TASOR: variants seen among roughly 807,000 people sequenced by gnomAD.
The protein encoded by TASOR is transcription activation suppressor, also known as protein TASOR.
In TASOR, 53 loss-of-function variants were observed where a neutral mutation model predicts 178.6. The ratio of observed to expected loss-of-function variants is 0.30; its 90% CI spans 0.24 to 0.37. TASOR has a LOEUF of 0.37. TASOR is among the 10% of genes least tolerant of loss of function. The probability of loss-of-function intolerance (pLI) is 1.00; values close to 1 mark genes in which losing one functional copy is unlikely to be tolerated. For missense variants in TASOR, 1,815 were observed against 1,971.4 expected, an observed-to-expected ratio of 0.92 and a Z score of 1.50; for synonymous variants, 713 against 696.2, an observed-to-expected ratio of 1.02 and a Z score of -0.38.
At chr3:56,637,520 C>CA (rs2077041420) in intron 17 of TASOR, among the ~76,000 whole-genome samples, 1 of 149,122 alleles carries the variant, frequency 6.7e-6, no homozygotes, top group Non-Finnish European at 1.5e-5. Context: ...GATTCTGTAT[C>CA]AGAGGGGAAA....
intron 1 of TASOR, among the ~76,000 whole-genome samples, chr3:56,682,426 C>A (rs1256260014): frequency 6.6e-6 from 1 of 152,080 alleles, no homozygotes; most frequent in African/African-American, 2.4e-5. Flanking sequence ...GAGCTGCAGC[C>A]TTACGGACAA....
Position 56,646,663 on chromosome 3 carries a change from T to C in TASOR, c.2074A>G (p.Lys692Glu), listed in dbSNP as rs1323784335. ...TCTGAGTCCCCACCCACACTCTTTT[T>C]CCTACACTGAATTAAATTAATCAAT... ...KELINLIQCR[K>E]KSVGGDSDTE... The change falls in exon 14 of 24, where the codon AAA becomes GAA. Residue 692 changes from lysine (K) to glutamate (E), a missense_variant. Coordinates refer to ENST00000683822, the MANE Select transcript of TASOR (RefSeq NM_001365635.2). 1 of 1,613,830 alleles carries C rather than the reference T, an allele frequency of 6.2e-7. No homozygotes were observed. Among genetic ancestry groups the C allele is most frequent in the South Asian group, 1.1e-5 (1 of 91,088 alleles).
At chr3:56,634,963 A>G (rs1018688156) in intron 17 of TASOR, among the ~76,000 whole-genome samples, 1 of 152,202 alleles carries the variant, frequency 6.6e-6, no homozygotes, top group Non-Finnish European at 1.5e-5. Flanking sequence ...ACGTATACAC[A>G]ATTTTACCCG....
intron 9 of TASOR, 141 bp from the exon 10 acceptor site, chr3:56,661,158 G>C (rs956033084): frequency 3.2e-6 from 2 of 622,168 alleles, no homozygotes; most frequent in Non-Finnish European, 2.8e-6. Flanking sequence ...AAGATCTTTT[G>C]TTTCGTTTGT....
chr3:56,638,750 C>A lies in TASOR; in HGVS notation c.2780G>T (p.Ser927Ile), dbSNP rs2077065388. 6.2e-7 allele frequency: 1 copy of A among 1,614,108 alleles called. No individual in the cohort carries two copies. The change falls in exon 17 of 24, where the codon AGC becomes ATC. Residue 927 changes from serine to isoleucine, a missense_variant. Ser to Ile is a moderately radical substitution (Grantham distance 142). This residue lies in a region of TASOR where 655 missense variants were observed against 671.1 expected (regional missense o/e 0.98). Transcript: ENST00000683822. Reference sequence around the variant, plus strand: ...ATGTTTCCCCAGCTGGTCTTCTGGGCTTCTTGCATTCCCTCCTGAGGGAAA... The same window carrying A: ...ATGTTTCCCCAGCTGGTCTTCTGGGATTCTTGCATTCCCTCCTGAGGGAAA... ...LIPITGGNAR[S>I]PEDQLGKHGE...
Position 56,682,868 on chromosome 3 carries a change from T to G in TASOR, c.139A>C (p.Asn47His). 1 of 1,549,588 alleles carries G rather than the reference T, an allele frequency of 6.5e-7. No homozygotes were observed. The highest frequency in any genetic ancestry group is 8.7e-7 in the Non-Finnish European group (1 of 1,146,386). The change falls in exon 1 of 24, where the codon AAC becomes CAC. Residue 47 changes from asparagine (N) to histidine (H), a missense_variant. Asn to His is a moderately conservative substitution (Grantham distance 68, BLOSUM62 1). Transcript: ENST00000683822. Reference protein sequence around the residue: ...SQQNGGGGGLNIAEPSGGAGR... With the variant: ...SQQNGGGGGLHIAEPSGGAGR... ...GCGCCGCCGCTGGGCTCAGCGATGTTGAGGCCGCCGCCGCCGCCATTTTGT... is the reference window on the plus strand; with the variant it reads ...GCGCCGCCGCTGGGCTCAGCGATGTGGAGGCCGCCGCCGCCGCCATTTTGT...
At position 56,633,314 on chromosome 3, in the gene TASOR, T is replaced by C. The variant is rs2076954162; in HGVS notation, c.3477A>G (p.Val1159=). The C allele has an allele frequency of 1.9e-6, 3 of 1,614,084 alleles. No homozygotes were observed. The highest frequency in any genetic ancestry group is 3.3e-5 in the Admixed American group (2 of 60,010). Residue 1159 remains valine (V), a synonymous_variant, in exon 18 of 24, where the codon GTA becomes GTG. Transcript: ENST00000683822. ...EQHSTSALTE[V]EMNQPQHATE... ...TGGCATGTTGAGGCTGGTTCATTTC[T>C]ACTTCAGTTAAAGCCGAAGTGGAAT...
In TASOR at chr3:56,646,940, A is replaced by G; in HGVS notation, c.1797T>C (p.Asp599=). 6.2e-7 allele frequency: 1 copy of G among 1,612,286 alleles called. No homozygotes were observed. ...GAAAAATATAGGCATGCAAACAAGT[A>G]TCAATATGGGATTTATTTCTGGGAG... ...YSAPRNKSHI[D]TCLHAYIFRP... The change falls in exon 14 of 24, where the codon GAT becomes GAC. Residue 599 remains aspartate (D), a synonymous_variant. Transcript: ENST00000683822.
chr3:56,649,018 GA>G lies in TASOR; in HGVS notation c.1407del (p.Leu470PhefsTer33). The G allele has an allele frequency of 2.5e-6, 4 of 1,608,230 alleles. No homozygotes were observed. The highest frequency in any genetic ancestry group is 2.2e-5 in the South Asian group (2 of 89,076). ...VKPLGDRGYL[F>X]LLSPYQMVPP... is the part of the protein sequence containing the mutation. ...GGAACCATCTGATAAGGGGAGAGAA[GA>G]AAAAGGTATCCTCGGTCTCCCAAAG... is the stretch of plus-strand genomic sequence containing the variant. On this transcript the variant is annotated frameshift_variant, in exon 12 of 24. Transcript: ENST00000683822. LOFTEE classifies it high-confidence loss of function.
At position 56,622,500 on chromosome 3, in the gene TASOR, CTA is replaced by C. The variant is rs1458695783; in HGVS notation, c.*535_*536del. 2 of 152,568 alleles carry C rather than the reference CTA, an allele frequency of 1.3e-5. No homozygotes were observed. The highest frequency in any genetic ancestry group is 3.8e-4 in the East Asian group (2 of 5,198). 9.5% of individuals were successfully genotyped at this position (152,568 alleles called of 1,614,324 possible). A position where few individuals can be genotyped will look rare whatever the true frequency, so the allele number is the denominator to read the frequency against. ...TTAGCAATAGGCAGTTTTTACATGA[CTA>C]AGCCTAGAGATAAAAAATGTGTCCT... On this transcript the variant is annotated 3_prime_UTR_variant, in exon 24 of 24. Coordinates refer to ENST00000683822, the MANE Select transcript of TASOR (RefSeq NM_001365635.2).
chr3:56,627,163 G>T lies in TASOR; in HGVS notation c.4031-18C>A. On this transcript the variant is annotated intron_variant, in intron 20 of 23. Transcript: ENST00000683822. ...AAGGTTCTCTGTTAGAGATAATGAAGTTTGTTTTTAATTCAATAAATAATC... is the reference window on the plus strand; with the variant it reads ...AAGGTTCTCTGTTAGAGATAATGAATTTTGTTTTTAATTCAATAAATAATC... 7.0e-7 allele frequency: 1 copy of T among 1,433,838 alleles called. No individual in the cohort carries two copies. The highest frequency in any genetic ancestry group is 9.7e-7 in the Non-Finnish European group (1 of 1,033,394). The allele number at this position is 1,433,838 out of a possible 1,614,324, so 88.8% of individuals were successfully genotyped here. A position where few individuals can be genotyped will look rare whatever the true frequency, so the allele number is the denominator to read the frequency against.
chr3:56,668,552 T>C lies in TASOR; in HGVS notation c.742A>G (p.Ile248Val), dbSNP rs1468045954. 8.4e-6 allele frequency: 13 copies of C among 1,540,978 alleles called. No homozygotes were observed. The highest frequency in any genetic ancestry group is 1.0e-5 in the Non-Finnish European group (12 of 1,143,370). The part of the protein sequence containing the change: ...VVIFKIMKGK[I>V]KSIYDPMGVK... ...CCCATGGGGTCATATATACTCTTTATTTTACCCTAAAATAGAGAAAACCTT... is the reference window on the plus strand; with the variant it reads ...CCCATGGGGTCATATATACTCTTTACTTTACCCTAAAATAGAGAAAACCTT... Residue 248 changes from isoleucine (I) to valine (V), a missense_variant, in exon 6 of 24, where the codon ATA becomes GTA. Around this residue, in one of 5 missense-constraint regions of TASOR, gnomAD observed 504 missense variants for 645.3 expected, o/e 0.78. Coordinates refer to ENST00000683822, the MANE Select transcript of TASOR (RefSeq NM_001365635.2).
chr3:56,623,574 T>A lies in TASOR; in HGVS notation c.4484-8A>T. 6.4e-7 allele frequency: 1 copy of A among 1,557,706 alleles called. No homozygotes were observed. Among genetic ancestry groups the A allele is most frequent in the Non-Finnish European group, 8.6e-7 (1 of 1,161,778 alleles). ...CATCGTTTTCTAAAAGAGCTACATT[T>A]AAAAAACAAAAAGTCCTCCTCTATT... On this transcript the variant is annotated splice_polypyrimidine_tract_variant and splice_region_variant and intron_variant, in intron 23 of 23. Transcript: ENST00000683822.
chr3:56,663,279 T>C (rs1332890464), intron 8 of TASOR, among the ~76,000 whole-genome samples: 2 of 152,372 alleles, frequency 1.3e-5, no homozygotes, highest in Admixed American at 1.3e-4. Flanking sequence ...GTGAATTTAA[T>C]ACTTTTAAAA....
rs528089636 is a variant in TASOR, at chr3:56,668,611, A to G, written c.736-53T>C. The G allele has an allele frequency of 2.9e-4, 346 of 1,202,958 alleles. 2 individuals carry two copies. In the African/African-American group the frequency reaches 4.8e-3, roughly 17 times the overall value. The allele number at this position is 1,202,958 out of a possible 1,614,324, so 74.5% of individuals were successfully genotyped here. On this transcript the variant is annotated intron_variant, in intron 5 of 23. Transcript: ENST00000683822. ...CTACCTAAACCTAATTGTTGACTATATAACATTAATATTATGAAATACTTC... is the reference window on the plus strand; with the variant it reads ...CTACCTAAACCTAATTGTTGACTATGTAACATTAATATTATGAAATACTTC...
intron 1 of TASOR, among the ~76,000 whole-genome samples, chr3:56,674,374 G>C (rs1336631729): frequency 6.6e-6 from 1 of 151,546 alleles, no homozygotes; most frequent in Non-Finnish European, 1.5e-5. Flanking sequence ...GCCAGGCATG[G>C]TGGTGCATGC....
chr3:56,625,601 T>C (rs529889597), intron 21 of TASOR, among the ~76,000 whole-genome samples: 41 of 152,292 alleles, frequency 2.7e-4, no homozygotes, highest in South Asian at 6.2e-4. Flanking sequence ...GAGCTGAGAC[T>C]GCTCTATTAC....
intron 11 of TASOR, among the ~76,000 whole-genome samples, chr3:56,659,050 AG>A (rs2077537352): frequency 6.6e-6 from 1 of 152,132 alleles, no homozygotes; most frequent in Non-Finnish European, 1.5e-5. Flanking sequence ...AAGACTCGCA[AG>A]GGTTTTATAA....
intron 11 of TASOR, among the ~76,000 whole-genome samples, chr3:56,656,899 A>T (rs574983379): frequency 6.6e-6 from 1 of 151,384 alleles, no homozygotes; most frequent in South Asian, 2.1e-4. Context: ...AATCCCAGCT[A>T]CTCTGGAGGC....
Sources: gnomAD v4.1 joint callset for allele counts (sites outside exome capture counted in the v4.1 genomes callset) on GRCh38, gnomAD v4.1.1 for gene constraint, gnomAD v4.1.1 regional missense constraint, MANE v1.5 for transcripts, NCBI Gene and HGNC (gene_info 2026-07-23, HGNC 2026-07-21) for gene names.